PDE5A: variants seen among roughly 807,000 people sequenced by gnomAD.
PDE5A encodes phosphodiesterase 5A.
A neutral mutation model predicts 110.2 loss-of-function variants in PDE5A; 67 were observed. That is an observed-to-expected ratio of 0.61 (90% CI 0.50 to 0.75). The LOEUF is 0.75. Among genes scored for constraint, PDE5A ranks in the 30% least tolerant of loss-of-function variants. The probability of loss-of-function intolerance (pLI) is 0.00; values close to 1 mark genes in which losing one functional copy is unlikely to be tolerated. For synonymous variants in PDE5A, 328 were observed against 351.2 expected (o/e 0.93, Z 0.74); for missense variants, 862 against 1,045.1 (o/e 0.82, Z 2.42).
At chr4:119,558,916 C>CAAAAA (rs11392885) in intron 7 of PDE5A, among the ~76,000 whole-genome samples, 25 of 104,650 alleles carry the variant, frequency 2.4e-4, no homozygotes, top group African/African-American at 9.7e-4. Context: ...GACTCCGTCT[C>CAAAAA]AAAAAAAAAA....
chr4:119,618,095 A>G (rs1231495777), intron 1 of PDE5A, among the ~76,000 whole-genome samples: 2 of 152,156 alleles, frequency 1.3e-5, no homozygotes, highest in Non-Finnish European at 2.9e-5. Context: ...CCTAGATGAG[A>G]CAGACTTAGG....
intron 11 of PDE5A, among the ~76,000 whole-genome samples, chr4:119,530,791 C>G (rs1363270369): frequency 6.6e-6 from 1 of 152,052 alleles, no homozygotes; most frequent in Non-Finnish European, 1.5e-5. Flanking sequence ...TTTAATTTGG[C>G]ATAGAGCTAT....
intron 19 of PDE5A, among the ~76,000 whole-genome samples, chr4:119,502,193 T>G (rs542829243): frequency 9.2e-5 from 14 of 152,104 alleles, no homozygotes; most frequent in Non-Finnish European, 1.8e-4. Flanking sequence ...ATGATGGATG[T>G]TTATCACAGT....
At chr4:119,595,894 G>A (rs1240442965) in intron 3 of PDE5A, among the ~76,000 whole-genome samples, 2 of 152,074 alleles carry the variant, frequency 1.3e-5, no homozygotes, top group Admixed American at 1.3e-4. Flanking sequence ...TCTCCAGTTG[G>A]TTGTAATACA....
chr4:119,502,907 A>T (rs1725412591), intron 18 of PDE5A, among the ~76,000 whole-genome samples: 1 of 145,386 alleles, frequency 6.9e-6, no homozygotes, highest in South Asian at 2.1e-4. Context: ...AATTTTATTT[A>T]AAAATGTTTT....
chr4:119,548,044 A>ATTTTTTTT (rs11438089), intron 9 of PDE5A, among the ~76,000 whole-genome samples: 8 of 94,798 alleles, frequency 8.4e-5, no homozygotes, highest in East Asian at 3.1e-4. Flanking sequence ...TTCTCCGTGT[A>ATTTTTTTT]TTTTTTTTTT....
chr4:119,555,847 T>C (rs1727517162), intron 7 of PDE5A, among the ~76,000 whole-genome samples: 1 of 152,218 alleles, frequency 6.6e-6, no homozygotes, highest in Non-Finnish European at 1.5e-5. Flanking sequence ...TTCCTGATGG[T>C]TACTTTAAGT....
chr4:119,500,306 T>A (rs1243029651), intron 20 of PDE5A: 1 of 151,228 alleles, frequency 6.6e-6, no homozygotes, highest in East Asian at 2.0e-4. Context: ...GTATCTCTCC[T>A]TCCTTTCCCT....
At chr4:119,553,524 A>G in intron 8 of PDE5A, 114 bp downstream of exon 8, 1 of 706,828 alleles carries the variant, frequency 1.4e-6, no homozygotes, top group Non-Finnish European at 2.6e-6. Flanking sequence ...GAAAGCACAG[A>G]TCATTCCTAA....
chr4:119,568,044 T>C (rs200409652), intron 3 of PDE5A, among the ~76,000 whole-genome samples: 4 of 152,148 alleles, frequency 2.6e-5, no homozygotes, highest in Admixed American at 2.6e-4. Flanking sequence ...AAGAAAAAGA[T>C]ATAAAATTCT....
chr4:119,511,609 T>C (rs1335398538), intron 14 of PDE5A, among the ~76,000 whole-genome samples: 1 of 152,026 alleles, frequency 6.6e-6, no homozygotes, highest in Non-Finnish European at 1.5e-5. Flanking sequence ...CTGACTGAGA[T>C]GGAATTAACT....
intron 3 of PDE5A, among the ~76,000 whole-genome samples, chr4:119,575,343 A>G (rs1435562331): frequency 1.3e-5 from 2 of 152,170 alleles, no homozygotes; most frequent in Non-Finnish European, 2.9e-5. Flanking sequence ...GAACGCCACA[A>G]AGATACTCCT....
intron 14 of PDE5A, among the ~76,000 whole-genome samples, chr4:119,511,778 G>A (rs1725752029): frequency 6.6e-6 from 1 of 152,090 alleles, no homozygotes; most frequent in African/African-American, 2.4e-5. Context: ...AATTGAACTT[G>A]GTGAAGCAGT....
chr4:119,560,350 C>T lies in PDE5A; in HGVS notation c.1145G>A (p.Ser382Asn), dbSNP rs1272239032. 6 of 1,583,106 alleles carry T rather than the reference C, an allele frequency of 3.8e-6. No individual in the cohort carries two copies. Among genetic ancestry groups the T allele is most frequent in the Non-Finnish European group, 4.3e-6 (5 of 1,165,510 alleles). The change falls in exon 7 of 21, where the codon AGT (serine) becomes AAT (asparagine). Residue 382 changes from serine (S) to asparagine (N), a missense_variant. By Grantham distance (46) the Ser-to-Asn change is conservative. Transcript: ENST00000354960. ...VDEDCSDSFS[S>N]VFHMECEELE... is the part of the protein sequence containing the mutation. ...TTCCTCACACTCCATGTGAAACACA[C>T]TAGAAAAAGAATCCTAAAAACAGAC...
At chr4:119,543,236 A>G (rs1474528156) in intron 9 of PDE5A, 1 of 152,148 alleles carries the variant, frequency 6.6e-6, no homozygotes, top group Non-Finnish European at 1.5e-5. Flanking sequence ...CTTAGAAATA[A>G]AAGTTAAACA....
intron 3 of PDE5A, among the ~76,000 whole-genome samples, chr4:119,589,827 C>A (rs906124409): frequency 6.6e-6 from 1 of 152,082 alleles, no homozygotes; most frequent in Non-Finnish European, 1.5e-5. Context: ...GTCTGCAGAG[C>A]GGTTTAAACA....
chr4:119,616,582 T>C (rs770787962), intron 1 of PDE5A, among the ~76,000 whole-genome samples: 6 of 148,906 alleles, frequency 4.0e-5, no homozygotes, highest in Non-Finnish European at 7.5e-5. Context: ...ACCGCACCTG[T>C]CAAGAGGATG....
At chr4:119,509,460 G>A (rs2110460504) in intron 15 of PDE5A, among the ~76,000 whole-genome samples, 1 of 152,152 alleles carries the variant, frequency 6.6e-6, no homozygotes, top group Non-Finnish European at 1.5e-5. Flanking sequence ...GAGGGAGAGA[G>A]CCTCAGGTGC....
intron 3 of PDE5A, among the ~76,000 whole-genome samples, chr4:119,593,018 G>A (rs1729033666): frequency 6.6e-6 from 1 of 152,098 alleles, no homozygotes; most frequent in African/African-American, 2.4e-5. Flanking sequence ...ACATATTCAT[G>A]TAATGAAATT....
Sources: allele counts gnomAD v4.1 joint callset (sites outside exome capture counted in the v4.1 genomes callset), GRCh38; gene constraint gnomAD v4.1.1; transcripts MANE v1.5; gene names NCBI Gene and HGNC (gene_info 2026-07-23, HGNC 2026-07-21).